Variants in ZFHX3 observed in about 807,000 individuals in gnomAD.
The protein encoded by ZFHX3 is zinc finger homeobox 3, also known as zinc finger homeobox protein 3.
ZFHX3 carries 42 observed loss-of-function variants against 279.1 expected under a neutral mutation model. The ratio of observed to expected loss-of-function variants is 0.15; its 90% CI spans 0.12 to 0.19. The LOEUF (loss-of-function observed/expected upper bound fraction) is 0.19. Among genes scored for constraint, ZFHX3 ranks in the 10% least tolerant of loss-of-function variants. The pLI, the probability that ZFHX3 is intolerant of heterozygous loss-of-function variation, is 1.00. For synonymous variants in ZFHX3, 2,293 were observed against 1,957.8 expected (o/e 1.17, Z -4.52); for missense variants, 4,981 against 4,754.0 (o/e 1.05, Z -1.40).
rs3081625 is a variant in ZFHX3 at position 73,004,159 on chromosome 16, CTTTTTTTT to C, written c.-50+43585_-50+43592del. 6.3e-4 allele frequency among the ~76,000 whole-genome samples: 31 copies of C among 49,374 alleles called. 1 individual carries two copies. The highest frequency in any genetic ancestry group is 4.9e-3 in the Admixed American group (15 of 3,050). 32.4% of individuals were successfully genotyped at this position (49,374 alleles called of 152,430 possible). A position where few individuals can be genotyped will look rare whatever the true frequency, so the allele number is the denominator to read the frequency against. On this transcript the variant is annotated intron_variant, in intron 1 of 9. Transcript: ENST00000268489. ...CAATAATAACTACATAAAAACACGA[CTTTTTTTT>C]TTTTTTTTTTTTTTTTTAAGTAGAG...
chr16:73,489,737 A>G (rs1393416624), intron 2 of ZFHX3, among the ~76,000 whole-genome samples: 1 of 152,232 alleles, frequency 6.6e-6, no homozygotes, highest in Non-Finnish European at 1.5e-5. Flanking sequence ...AATCAGTAAC[A>G]TCACTTTATA....
intron 1 of ZFHX3, among the ~76,000 whole-genome samples, chr16:73,816,802 G>A (rs1417405692): frequency 2.0e-5 from 3 of 152,200 alleles, no homozygotes; most frequent in African/African-American, 7.2e-5. Context: ...TGGATTGAGA[G>A]TAGGCACAAG....
chr16:73,885,350 C>T (rs191962345), intron 1 of ZFHX3, among the ~76,000 whole-genome samples: 42 of 152,082 alleles, frequency 2.8e-4, no homozygotes, highest in Admixed American at 7.9e-4. Flanking sequence ...GATTATAGCC[C>T]GATCTGGAGA....
At chr16:73,227,097 G>A (rs935715024) in intron 5 of ZFHX3, among the ~76,000 whole-genome samples, 4 of 152,010 alleles carry the variant, frequency 2.6e-5, no homozygotes, top group Non-Finnish European at 4.4e-5. Context: ...CTTGATTTAC[G>A]TTAATAGCAC....
At chr16:73,874,230 G>A (rs1475606850) in intron 1 of ZFHX3, among the ~76,000 whole-genome samples, 1 of 151,958 alleles carries the variant, frequency 6.6e-6, no homozygotes, top group African/African-American at 2.4e-5. Flanking sequence ...TGCATATTTA[G>A]GAAGAAAAAA....
intron 3 of ZFHX3, among the ~76,000 whole-genome samples, chr16:73,375,400 C>T (rs943090328): frequency 2.0e-5 from 3 of 152,080 alleles, no homozygotes; most frequent in African/African-American, 7.2e-5. Context: ...CCAAAAAGCC[C>T]TGGGTCCTTT....
chr16:73,147,723 A>C (rs1201174652), intron 5 of ZFHX3, among the ~76,000 whole-genome samples: 2 of 133,574 alleles, frequency 1.5e-5, no homozygotes, highest in East Asian at 4.2e-4. Flanking sequence ...AAAAAAAATT[A>C]GCCAGGCATG....
At chr16:73,406,244 G>C (rs2017358225) in intron 3 of ZFHX3, among the ~76,000 whole-genome samples, 3 of 152,206 alleles carry the variant, frequency 2.0e-5, no homozygotes. Context: ...AGCATTTCTG[G>C]TTGTGGACGT....
At chr16:73,368,549 T>G (rs2016570097) in intron 3 of ZFHX3, among the ~76,000 whole-genome samples, 1 of 152,190 alleles carries the variant, frequency 6.6e-6, no homozygotes, top group Non-Finnish European at 1.5e-5. Flanking sequence ...CTATGATAAA[T>G]GCTAAAGTGG....
chr16:72,885,716 G>A (rs1298248836), intron 4 of ZFHX3, among the ~76,000 whole-genome samples: 2 of 152,188 alleles, frequency 1.3e-5, no homozygotes, highest in Non-Finnish European at 2.9e-5. Context: ...ATTTCTGAAG[G>A]GTTTTGTGTA....
intron 1 of ZFHX3, among the ~76,000 whole-genome samples, chr16:73,006,654 AAAAGG>A (rs992272031): frequency 7.6e-4 from 114 of 150,494 alleles, no homozygotes; most frequent in African/African-American, 2.4e-3. Flanking sequence ...GAAACGAAAG[AAAAGG>A]AAAGGAAAGG....
intron 3 of ZFHX3, among the ~76,000 whole-genome samples, chr16:73,366,774 G>A (rs752955087): frequency 6.6e-6 from 1 of 151,942 alleles, no homozygotes; most frequent in Non-Finnish European, 1.5e-5. Context: ...CTGAGATGAG[G>A]TGAGAGCTCC....
At chr16:73,182,175 G>C (rs959675774) in intron 5 of ZFHX3, among the ~76,000 whole-genome samples, 8 of 152,242 alleles carry the variant, frequency 5.3e-5, no homozygotes, top group African/African-American at 1.9e-4. Context: ...CAGTAGGGAG[G>C]GCCGGGTGAG....
At chr16:73,531,916 C>T (rs1320574089) in intron 2 of ZFHX3, among the ~76,000 whole-genome samples, 1 of 151,720 alleles carries the variant, frequency 6.6e-6, no homozygotes, top group East Asian at 1.9e-4. Flanking sequence ...TAGTGAGACC[C>T]TGCTTCTATA....
intron 3 of ZFHX3, among the ~76,000 whole-genome samples, chr16:73,435,358 A>G (rs1413386801): frequency 6.6e-6 from 1 of 152,086 alleles, no homozygotes; most frequent in African/African-American, 2.4e-5. Flanking sequence ...ACATGCGCCC[A>G]CTACCAGGCC....
intron 1 of ZFHX3, among the ~76,000 whole-genome samples, chr16:72,972,540 G>A (rs376410715): frequency 1.5e-3 from 229 of 152,176 alleles, no homozygotes; most frequent in Middle Eastern, 0.01. Flanking sequence ...CCAACTATGC[G>A]GCACAATAAA....
intron 1 of ZFHX3, among the ~76,000 whole-genome samples, chr16:73,788,110 G>A (rs1959709101): frequency 6.6e-6 from 1 of 152,110 alleles, no homozygotes; most frequent in African/African-American, 2.4e-5. Context: ...ACCAGAACCT[G>A]GCAAGAACAG....
At chr16:73,853,994 C>T (rs73603546) in intron 1 of ZFHX3, among the ~76,000 whole-genome samples, 101 of 152,302 alleles carry the variant, frequency 6.6e-4, no homozygotes, top group African/African-American at 2.4e-3. Flanking sequence ...GTCTTTGATA[C>T]TGAAGGTTAG....
At chr16:73,598,131 T>C (rs2052071544) in intron 2 of ZFHX3, among the ~76,000 whole-genome samples, 1 of 152,156 alleles carries the variant, frequency 6.6e-6, no homozygotes, top group Non-Finnish European at 1.5e-5. Flanking sequence ...TCCAGTGCAG[T>C]TCAGAAGGGA....
Sources: gnomAD v4.1 joint callset for allele counts (sites outside exome capture counted in the v4.1 genomes callset) on GRCh38, gnomAD v4.1.1 for gene constraint, MANE v1.5 for transcripts, NCBI Gene and HGNC (gene_info 2026-07-23, HGNC 2026-07-21) for gene names.